The following UBE2E3 variants were observed in gnomAD, a reference collection of about 807,000 sequenced individuals.
UBE2E3 encodes ubiquitin conjugating enzyme E2 E3.
UBE2E3 carries 5 observed loss-of-function variants against 23.6 expected under a neutral mutation model. The observed-to-expected ratio is 0.21, with a 90% CI of 0.11 to 0.44. The LOEUF is 0.44. Ranked by LOEUF, UBE2E3 falls within the 20% of genes least tolerant of loss-of-function variation. UBE2E3 has a pLI of 0.99. For synonymous variants in UBE2E3, 78 were observed against 87.5 expected (o/e 0.89, Z 0.60); for missense variants, 81 against 249.8 (o/e 0.32, Z 4.55).
intron 3 of UBE2E3, among the ~76,000 whole-genome samples, chr2:181,051,248 C>G (rs1574221511): frequency 6.6e-6 from 1 of 151,914 alleles, no homozygotes; most frequent in Non-Finnish European, 1.5e-5. Flanking sequence ...TTTTTGAGAG[C>G]TATCTCTTGC....
chr2:181,036,624 A>T (rs1333571230), intron 3 of UBE2E3, among the ~76,000 whole-genome samples: 1 of 152,222 alleles, frequency 6.6e-6, no homozygotes, highest in Non-Finnish European at 1.5e-5. Context: ...CCAGTGATGC[A>T]GGAGCATCCT....
intron 3 of UBE2E3, among the ~76,000 whole-genome samples, chr2:181,041,861 G>A (rs911397759): frequency 6.6e-6 from 1 of 152,224 alleles, no homozygotes; most frequent in Non-Finnish European, 1.5e-5. Flanking sequence ...GAGCAGTGGA[G>A]TGTGAGTCAA....
At chr2:180,984,587 G>A (rs1032320994) in intron 3 of UBE2E3, among the ~76,000 whole-genome samples, 5 of 152,152 alleles carry the variant, frequency 3.3e-5, no homozygotes, top group African/African-American at 1.2e-4. Context: ...TAAGCTAATG[G>A]TTTTAGTGGT....
intron 3 of UBE2E3, among the ~76,000 whole-genome samples, chr2:181,039,081 T>A (rs1559131312): frequency 6.7e-6 from 1 of 149,722 alleles, no homozygotes; most frequent in Non-Finnish European, 1.5e-5. Context: ...TCCTCCAAAA[T>A]GGTATGTTTA....
At chr2:181,041,701 G>T in intron 3 of UBE2E3, among the ~76,000 whole-genome samples, 1 of 57,922 alleles carries the variant, frequency 1.7e-5, no homozygotes. Context: ...CTCCCAGAGT[G>T]CTGGGATTGA....
At chr2:181,056,388 G>C (rs1242779713) in intron 3 of UBE2E3, among the ~76,000 whole-genome samples, 1 of 151,696 alleles carries the variant, frequency 6.6e-6, no homozygotes, top group Non-Finnish European at 1.5e-5. Flanking sequence ...AGGTTTATTT[G>C]GTTCACCTGA....
chr2:181,024,871 A>T (rs1389744068), intron 3 of UBE2E3, among the ~76,000 whole-genome samples: 1 of 151,998 alleles, frequency 6.6e-6, no homozygotes, highest in Admixed American at 6.6e-5. Flanking sequence ...AACTGTAGTA[A>T]TTCAAATGTA....
At chr2:180,998,747 A>G (rs1277748719) in intron 3 of UBE2E3, among the ~76,000 whole-genome samples, 3 of 152,174 alleles carry the variant, frequency 2.0e-5, no homozygotes, top group African/African-American at 7.2e-5. Flanking sequence ...GAAGTAAATC[A>G]GAACGTAATA....
At chr2:181,052,294 G>A (rs954859433) in intron 3 of UBE2E3, among the ~76,000 whole-genome samples, 8 of 151,922 alleles carry the variant, frequency 5.3e-5, no homozygotes, top group East Asian at 1.9e-4. Flanking sequence ...GAATACAGTC[G>A]TAGGTTCTTG....
chr2:181,029,626 C>T (rs1381725085), intron 3 of UBE2E3, among the ~76,000 whole-genome samples: 2 of 143,794 alleles, frequency 1.4e-5, no homozygotes, highest in Admixed American at 6.9e-5. Flanking sequence ...TTTGCTTATA[C>T]ATTACATTCT....
At chr2:180,985,444 A>G (rs1684430282) in intron 3 of UBE2E3, among the ~76,000 whole-genome samples, 1 of 152,196 alleles carries the variant, frequency 6.6e-6, no homozygotes, top group South Asian at 2.1e-4. Flanking sequence ...GTTCATTAAT[A>G]TTAAAATAAT....
In UBE2E3 at chr2:180,992,786, C is replaced by T. The variant is rs140647284; in HGVS notation, c.245+8693C>T. ...AAGCAATTCTCCTGCCTCAGCCTCC[C>T]GAGTAGCTGGGACTGTAGGCATGTG... On this transcript the variant is annotated intron_variant, in intron 3 of 5. Transcript: ENST00000410062. 6.3e-3 allele frequency among the ~76,000 whole-genome samples: 961 copies of T among 152,226 alleles called. 14 individuals carry two copies. The highest frequency in any genetic ancestry group is 0.021 in the African/African-American group (889 of 41,532).
At chr2:181,040,129 A>G (rs992163735) in intron 3 of UBE2E3, among the ~76,000 whole-genome samples, 2 of 152,214 alleles carry the variant, frequency 1.3e-5, no homozygotes, top group African/African-American at 4.8e-5. Context: ...TGACATTCCT[A>G]AAAATTTATA....
intron 3 of UBE2E3, among the ~76,000 whole-genome samples, chr2:181,047,047 G>A (rs1480398875): frequency 6.6e-6 from 1 of 152,140 alleles, no homozygotes; most frequent in Admixed American, 6.5e-5. Flanking sequence ...TTTACAGAAA[G>A]AGTTAGTTCA....
chr2:181,002,063 C>T (rs539957412), intron 3 of UBE2E3, among the ~76,000 whole-genome samples: 1 of 152,238 alleles, frequency 6.6e-6, no homozygotes, highest in South Asian at 2.1e-4. Flanking sequence ...TCATAGAAGC[C>T]TAGTTGGCAT....
chr2:180,996,660 G>T (rs1195322624), intron 3 of UBE2E3, among the ~76,000 whole-genome samples: 1 of 152,162 alleles, frequency 6.6e-6, no homozygotes, highest in Non-Finnish European at 1.5e-5. Context: ...ATCTTGGAGG[G>T]GAGGGGCTGT....
chr2:180,986,758 A>G (rs1055426851), intron 3 of UBE2E3, among the ~76,000 whole-genome samples: 1 of 152,160 alleles, frequency 6.6e-6, no homozygotes, highest in Admixed American at 6.5e-5. Context: ...AGCTTGTCAA[A>G]GTACATGACA....
chr2:181,019,448 G>C (rs1685605452), intron 3 of UBE2E3, among the ~76,000 whole-genome samples: 1 of 152,184 alleles, frequency 6.6e-6, no homozygotes, highest in African/African-American at 2.4e-5. Context: ...TCAGTGTTCA[G>C]TGTCATTTTT....
At chr2:180,993,865 TA>T (rs1684749596) in intron 3 of UBE2E3, among the ~76,000 whole-genome samples, 1 of 152,160 alleles carries the variant, frequency 6.6e-6, no homozygotes, top group East Asian at 1.9e-4. Context: ...ATATAGAGGG[TA>T]CCATAAGGCA....
Sources: allele counts gnomAD v4.1 joint callset (sites outside exome capture counted in the v4.1 genomes callset), GRCh38; gene constraint gnomAD v4.1.1; transcripts MANE v1.5; gene names NCBI Gene and HGNC (gene_info 2026-07-23, HGNC 2026-07-21).